The following NME6 variants were observed in gnomAD, a reference collection of about 807,000 sequenced individuals.
NME6 encodes the protein nucleoside diphosphate kinase 6, mitochondrial.
Under a neutral mutation model 22.2 loss-of-function variants are expected in NME6, and 16 were observed. The observed-to-expected ratio is 0.72, with a 90% CI of 0.49 to 1.09. NME6 has a LOEUF of 1.09. NME6 is among the 50% of genes least tolerant of loss of function. NME6 has a pLI of 0.00. For missense variants in NME6, 229 were observed against 239.0 expected, an observed-to-expected ratio of 0.96 and a Z score of 0.28; for synonymous variants, 58 against 85.2, an observed-to-expected ratio of 0.68 and a Z score of 1.76.
chr3:48,292,115 T>G (rs936400443), downstream of NME6: 7 of 152,206 alleles, frequency 4.6e-5, no homozygotes, highest in East Asian at 1.9e-4. Flanking sequence ...ATCATCACAT[T>G]GGGGGTTAGG....
chr3:48,296,954 G>C, intron 2 of NME6, 125 bp from the exon 3 acceptor site: 3 of 668,322 alleles, frequency 4.5e-6, no homozygotes, highest in Non-Finnish European at 7.7e-6. Context: ...AGAAGACGAG[G>C]TGGGGTGAGG....
intron 5 of NME6, 113 bp from the exon 6 acceptor site, chr3:48,294,916 GC>G: frequency 2.1e-6 from 3 of 1,402,866 alleles, no homozygotes; most frequent in Non-Finnish European, 2.9e-6. Context: ...CAGTCCTGGG[GC>G]ATGTAAAGAA....
At chr3:48,292,226 T>C (rs1349310539), downstream of NME6, 5 of 152,246 alleles carry the variant, frequency 3.3e-5, no homozygotes, top group Admixed American at 6.5e-5. Context: ...TGGAGTGTCA[T>C]TGCTCTCACA....
chr3:48,289,459 A>T (rs1264391894), downstream of NME6, among the ~76,000 whole-genome samples: 2 of 152,146 alleles, frequency 1.3e-5, no homozygotes, highest in East Asian at 3.9e-4. Context: ...GGGAGGCTTG[A>T]GATCCAGTAA....
rs1174857806 is a variant in NME6 at position 48,296,299 on chromosome 3, T to A, written c.194-141A>T. The A allele has an allele frequency of 1.3e-5, 16 of 1,220,202 alleles. 1 individual carries two copies. The allele number at this position is 1,220,202 out of a possible 1,614,324, so 75.6% of individuals were successfully genotyped here. ...GACCTTGGAGTCTGACAAACCTGGG[T>A]CTGAATCCAGGGTCTGCCACTTACA... is the stretch of plus-strand genomic sequence containing the variant. On this transcript the variant is annotated intron_variant, in intron 3 of 5. Transcript: ENST00000442597.
downstream of NME6, among the ~76,000 whole-genome samples, chr3:48,290,198 C>T (rs1156570409): frequency 2.0e-5 from 3 of 151,194 alleles, no homozygotes; most frequent in African/African-American, 7.3e-5. Context: ...GTAGCTGGGA[C>T]TACAGGCATG....
rs2034770454 is a variant in NME6, at chr3:48,293,972, C to T, written c.*665G>A. ...GAATGATGAAGCCTGAAAAGTTTCC[C>T]CTAAATGTGGCAGCATAAAGGATTC... On this transcript the variant is annotated 3_prime_UTR_variant, in exon 6 of 6. Transcript: ENST00000442597. 1 of 152,142 alleles carries T rather than the reference C, an allele frequency of 6.6e-6. No homozygotes were observed. Among genetic ancestry groups the T allele is most frequent in the Admixed American group, 6.6e-5 (1 of 15,264 alleles). 9.4% of individuals were successfully genotyped at this position (152,142 alleles called of 1,614,324 possible).
At chr3:48,294,831 G>A (rs753705171) in intron 5 of NME6, 28 bp from the exon 6 acceptor site, 8 of 1,605,864 alleles carry the variant, frequency 5.0e-6, no homozygotes, top group South Asian at 1.1e-5. Context: ...ACAGAGAAGG[G>A]GTTCTCACAT....
intron 2 of NME6, chr3:48,297,997 A>C (rs1406034649): frequency 4.4e-6 from 1 of 225,932 alleles, no homozygotes; most frequent in Non-Finnish European, 8.9e-6. Context: ...CTGGAAGTGA[A>C]TTCTTCCCCC....
chr3:48,297,551 G>A (rs1484980890), intron 2 of NME6: 7 of 152,284 alleles, frequency 4.6e-5, no homozygotes, highest in African/African-American at 1.7e-4. Flanking sequence ...ATGTGAAAAT[G>A]ACCCCGAGCC....
In NME6 at chr3:48,300,981, G is replaced by A. The variant is rs545789076; in HGVS notation, c.-8+372C>T. Among the ~76,000 whole-genome samples, 11 of 152,256 alleles carry A rather than the reference G, an allele frequency of 7.2e-5. No homozygotes were observed. The South Asian group carries it at 1.5e-3, about 20-fold the overall frequency. The stretch of plus-strand genomic sequence containing the variant: ...GAGCATTACTTGAACTCTGGAGGCG[G>A]AGGCTGCAGTGAGCCGAGATCGCGC... On this transcript the variant is annotated intron_variant, in intron 1 of 5. Coordinates refer to ENST00000442597, the MANE Select transcript of NME6 (RefSeq NM_001308426.2).
downstream of NME6, among the ~76,000 whole-genome samples, chr3:48,288,023 T>G (rs1208161160): frequency 6.6e-6 from 1 of 152,028 alleles, no homozygotes; most frequent in East Asian, 1.9e-4. Flanking sequence ...GTGGGAGACA[T>G]AAGACAGGGA....
chr3:48,300,430 C>T (rs1355417422), intron 1 of NME6: 7 of 437,988 alleles, frequency 1.6e-5, no homozygotes, highest in South Asian at 9.7e-5. Context: ...CTCCTGCCCA[C>T]CTTAGTGATC....
chr3:48,296,067 C>T lies in NME6; in HGVS notation c.233+52G>A, dbSNP rs371714945. 14 of 1,161,436 alleles carry T rather than the reference C, an allele frequency of 1.2e-5. No homozygotes were observed. In the African/African-American group the frequency reaches 1.5e-4, roughly 13 times the overall value. The allele number at this position is 1,161,436 out of a possible 1,614,324, so 71.9% of individuals were successfully genotyped here. ...TGAAATGAACAAATCCATTTAGGGG[C>T]AGGGGAGATTAGCCTCAGTGGATAA... On this transcript the variant is annotated intron_variant, in intron 4 of 5. Coordinates refer to ENST00000442597, the MANE Select transcript of NME6 (RefSeq NM_001308426.2).
downstream of NME6, among the ~76,000 whole-genome samples, chr3:48,290,509 A>G (rs1323780916): frequency 2.0e-5 from 3 of 152,210 alleles, no homozygotes; most frequent in Non-Finnish European, 4.4e-5. Context: ...TTTGAAATGT[A>G]TAATACTCTA....
At position 48,292,446 on chromosome 3, in the gene NME6, T is replaced by C. The variant is rs1016158098; in HGVS notation, c.*2191A>G. ...TGTGGGTGTCTTAATTGTCAGATTT[T>C]GTACGCTTTGACCACCATTTAAATT... On this transcript the variant is annotated 3_prime_UTR_variant, in exon 6 of 6. Coordinates refer to ENST00000442597, the MANE Select transcript of NME6 (RefSeq NM_001308426.2). 1.3e-5 allele frequency: 2 copies of C among 152,234 alleles called. No individual in the cohort carries two copies. Among genetic ancestry groups the C allele is most frequent in the African/African-American group, 4.8e-5 (2 of 41,466 alleles). The allele number at this position is 152,234 out of a possible 1,614,324, so 9.4% of individuals were successfully genotyped here. A position where few individuals can be genotyped will look rare whatever the true frequency, so the allele number is the denominator to read the frequency against.
chr3:48,292,371 G>C lies in NME6; in HGVS notation c.*2266C>G, dbSNP rs983775692. On this transcript the variant is annotated 3_prime_UTR_variant, in exon 6 of 6. Coordinates refer to ENST00000442597, the MANE Select transcript of NME6 (RefSeq NM_001308426.2). ...GTTTTCTCCCTTTCCATATTTGTGG[G>C]AGCCAGGTTTTTATGAGACAATTTT... The C allele has an allele frequency of 4.6e-5, 7 of 152,180 alleles. No individual in the cohort carries two copies. The highest frequency in any genetic ancestry group is 1.7e-4 in the African/African-American group (7 of 41,446). 9.4% of individuals were successfully genotyped at this position (152,180 alleles called of 1,614,324 possible). A position where few individuals can be genotyped will look rare whatever the true frequency, so the allele number is the denominator to read the frequency against.
rs2034860750 is a variant in NME6 at position 48,294,648 on chromosome 3, C to G, written c.550G>C (p.Gly184Arg). Residue 184 changes from glycine to arginine, a missense_variant, in exon 6 of 6, where the codon GGA (glycine) becomes CGA (arginine). By Grantham distance (125) the Gly-to-Arg change is moderately radical. Coordinates refer to ENST00000442597, the MANE Select transcript of NME6 (RefSeq NM_001308426.2). ...VHYVAGTGGL[G>R]PA ...TTCATAGACCTGCATCAGGCTGGTC[C>G]TAGGCCTCCTGTTCCAGCTACATAG... 6.2e-7 allele frequency: 1 copy of G among 1,614,020 alleles called. No individual in the cohort carries two copies. The highest frequency in any genetic ancestry group is 1.3e-5 in the African/African-American group (1 of 74,920).
Position 48,298,467 on chromosome 3 carries a change from A to T in NME6, c.50T>A (p.Leu17Gln). The stretch of plus-strand genomic sequence containing the variant: ...ATGGGCGACTGCGTCAGGCTTGATC[A>T]GGGCTAGAGTGAGCTGGAGAGCCTG... ...SPQALQLTLA[L>Q]IKPDAVAHPL... Residue 17 changes from leucine (L) to glutamine (Q), a missense_variant, in exon 2 of 6, where the codon CTG becomes CAG. Leu to Gln is a moderately radical substitution (Grantham distance 113, BLOSUM62 -2). Coordinates refer to ENST00000442597, the MANE Select transcript of NME6 (RefSeq NM_001308426.2). The T allele has an allele frequency of 6.2e-7, 1 of 1,613,518 alleles. No homozygotes were observed. Among genetic ancestry groups the T allele is most frequent in the Non-Finnish European group, 8.5e-7 (1 of 1,179,738 alleles).
Sources: allele counts gnomAD v4.1 joint callset (sites outside exome capture counted in the v4.1 genomes callset), GRCh38; gene constraint gnomAD v4.1.1; transcripts MANE v1.5; gene names NCBI Gene and HGNC (gene_info 2026-07-23, HGNC 2026-07-21).